EID1: variants seen among roughly 807,000 people sequenced by gnomAD.
EID1 encodes the protein EP300 interacting inhibitor of differentiation 1, also known as EP300-interacting inhibitor of differentiation 1.
A neutral mutation model predicts 13.7 loss-of-function variants in EID1; 3 were observed. The ratio of observed to expected loss-of-function variants is 0.22; its 90% CI spans 0.10 to 0.57. The LOEUF (loss-of-function observed/expected upper bound fraction) is 0.57, where lower values mean the gene tolerates loss of function less well. Ranked by LOEUF, EID1 falls within the 20% of genes least tolerant of loss-of-function variation. The pLI is 0.92. For synonymous variants in EID1, 105 were observed against 97.6 expected (o/e 1.08, Z -0.44); for missense variants, 261 against 247.6 (o/e 1.05, Z -0.36).
Position 48,878,211 on chromosome 15 carries a change from A to AT in EID1, c.35_36insT (p.Glu12AspfsTer5). On this transcript the variant is annotated frameshift_variant, in exon 1 of 1. Coordinates refer to ENST00000530028, the MANE Select transcript of EID1 (RefSeq NM_014335.3). LOFTEE classifies it high-confidence loss of function. ...ATGGCTGAGTTGTCCGAGCTGTATG[A>AT]AGAGAGCAGTGACCTGCAGATGGAT... The AT allele has an allele frequency of 6.3e-7, 1 of 1,591,948 alleles. No homozygotes were observed. The highest frequency in any genetic ancestry group is 8.6e-7 in the Non-Finnish European group (1 of 1,167,288).
Position 48,878,543 on chromosome 15 carries a change from A to C in EID1, c.367A>C (p.Arg123=), listed in dbSNP as rs758716473. 6.2e-7 allele frequency: 1 copy of C among 1,614,104 alleles called. No individual in the cohort carries two copies. The highest frequency in any genetic ancestry group is 1.7e-5 in the Admixed American group (1 of 60,032). ...EEEQLSGAGY[R]VSAALEEADK... Reference sequence around the variant, plus strand: ...GGAGCAGCTCAGTGGTGCCGGCTACAGAGTATCAGCCGCTCTTGAAGAAGC... The same window carrying C: ...GGAGCAGCTCAGTGGTGCCGGCTACCGAGTATCAGCCGCTCTTGAAGAAGC... The change falls in exon 1 of 1, where the codon AGA becomes CGA. Residue 123 remains arginine (R), a synonymous_variant. Transcript: ENST00000530028.
rs769474048 is a variant in EID1, at chr15:48,878,409, G to C, written c.233G>C (p.Gly78Ala). Residue 78 changes from glycine (G) to alanine (A), a missense_variant, in exon 1 of 1, where the codon GGG becomes GCG. Physicochemically the swap from Gly to Ala is moderately conservative, Grantham distance 60 (BLOSUM62 0). This residue lies in a region of EID1 where 244 missense variants were observed against 210.8 expected (regional missense o/e 1.16). Transcript: ENST00000530028. ...GAGGGGAAACGGAGCCTTGCTAACG[G>C]GCCCAACGCTGGGGAGCAGCCAGGC... ...APEGKRSLAN[G>A]PNAGEQPGQV... 2 of 1,611,964 alleles carry C rather than the reference G, an allele frequency of 1.2e-6. No individual in the cohort carries two copies. Among genetic ancestry groups the C allele is most frequent in the African/African-American group, 2.7e-5 (2 of 74,920 alleles).
chr15:48,879,117 C>T lies in EID1; in HGVS notation c.*377C>T, dbSNP rs1436941898. The stretch of plus-strand genomic sequence containing the variant: ...AAGACAAACTGCCAATACAAAAGCC[C>T]ACTGATACTAATTATATAATGAGAA... On this transcript the variant is annotated 3_prime_UTR_variant, in exon 1 of 1. Transcript: ENST00000530028. 1.1e-5 allele frequency: 2 copies of T among 186,990 alleles called. No homozygotes were observed. The highest frequency in any genetic ancestry group is 1.1e-4 in the Admixed American group (2 of 17,834). 11.6% of individuals were successfully genotyped at this position (186,990 alleles called of 1,614,324 possible).
rs1899883989 is a variant in EID1 at position 48,878,837 on chromosome 15, ACTT to A, written c.*98_*100del. 2 of 1,249,436 alleles carry A rather than the reference ACTT, an allele frequency of 1.6e-6. No homozygotes were observed. The highest frequency in any genetic ancestry group is 2.2e-6 in the Non-Finnish European group (2 of 912,374). 77.4% of individuals were successfully genotyped at this position (1,249,436 alleles called of 1,614,324 possible). On this transcript the variant is annotated 3_prime_UTR_variant, in exon 1 of 1. Transcript: ENST00000530028. ...CCAAATAGTTTTGTGCCATTGAAAA[ACTT>A]GACCTTCAAAAAAATTTGTTTTTCA...
chr15:48,878,235 A>T lies in EID1; in HGVS notation c.59A>T (p.Asp20Val). 6.2e-7 allele frequency: 1 copy of T among 1,609,046 alleles called. No homozygotes were observed. The highest frequency in any genetic ancestry group is 8.5e-7 in the Non-Finnish European group (1 of 1,177,104). Residue 20 changes from aspartate to valine, a missense_variant, in exon 1 of 1, where the codon GAT becomes GTT. Around this residue, in one of 2 missense-constraint regions of EID1, gnomAD observed 244 missense variants for 210.8 expected, o/e 1.16. Transcript: ENST00000530028. ...LYEESSDLQM[D>V]VMPGEGDLPQ... ...GAAGAGAGCAGTGACCTGCAGATGGATGTGATGCCTGGCGAGGGTGACCTT... is the reference window on the plus strand; with the variant it reads ...GAAGAGAGCAGTGACCTGCAGATGGTTGTGATGCCTGGCGAGGGTGACCTT...
In EID1 at chr15:48,878,579, T is replaced by C. The variant is rs1445195338; in HGVS notation, c.403T>C (p.Phe135Leu). The C allele has an allele frequency of 5.6e-6, 9 of 1,613,922 alleles. No individual in the cohort carries two copies. Among genetic ancestry groups the C allele is most frequent in the Non-Finnish European group, 7.6e-6 (9 of 1,179,900 alleles). The part of the protein sequence containing the change: ...SAALEEADKM[F>L]LRTREPALDG... ...CGCTCTTGAAGAAGCCGACAAGATG[T>C]TTCTGAGAACAAGAGAACCAGCCCT... is the stretch of plus-strand genomic sequence containing the variant. Residue 135 changes from phenylalanine to leucine, a missense_variant, in exon 1 of 1, where the codon TTT becomes CTT. Phe to Leu is a conservative substitution (Grantham distance 22). Coordinates refer to ENST00000530028, the MANE Select transcript of EID1 (RefSeq NM_014335.3).
rs1484353267 is a variant in EID1 at position 48,879,398 on chromosome 15, TC to T, written c.*659del. 3 of 167,096 alleles carry T rather than the reference TC, an allele frequency of 1.8e-5. No homozygotes were observed. Among genetic ancestry groups the T allele is most frequent in the African/African-American group, 7.2e-5 (3 of 41,470 alleles). 10.4% of individuals were successfully genotyped at this position (167,096 alleles called of 1,614,324 possible). On this transcript the variant is annotated 3_prime_UTR_variant, in exon 1 of 1. Coordinates refer to ENST00000530028, the MANE Select transcript of EID1 (RefSeq NM_014335.3). The stretch of plus-strand genomic sequence containing the variant: ...TTATAAAGCCACTGTGATCTATAAA[TC>T]AAGAAAATCCATTGTCATAACCATT...
In EID1 at chr15:48,878,480, T is replaced by C; in HGVS notation, c.304T>C (p.Phe102Leu). ...CGAGAGCGAGGACGAGGGCGAGGAA[T>C]TTGATGACTGGGAGGACGACTACGA... ...DFESEDEGEE[F>L]DDWEDDYDYP... The change falls in exon 1 of 1, where the codon TTT (phenylalanine) becomes CTT (leucine). Residue 102 changes from phenylalanine (F) to leucine (L), a missense_variant. By Grantham distance (22) the Phe-to-Leu change is conservative. Transcript: ENST00000530028. 6.2e-7 allele frequency: 1 copy of C among 1,613,880 alleles called. No homozygotes were observed. The highest frequency in any genetic ancestry group is 8.5e-7 in the Non-Finnish European group (1 of 1,179,826).
chr15:48,878,895 C>A lies in EID1; in HGVS notation c.*155C>A. 1.7e-6 allele frequency: 1 copy of A among 581,874 alleles called. No homozygotes were observed. The highest frequency in any genetic ancestry group is 3.0e-6 in the Non-Finnish European group (1 of 331,466). The allele number at this position is 581,874 out of a possible 1,614,324, so 36.0% of individuals were successfully genotyped here. ...AGAACACAATAGGACAGTGACTGCACAGTTGTGAAAAAGGAAGAGAATCAT... is the reference window on the plus strand; with the variant it reads ...AGAACACAATAGGACAGTGACTGCAAAGTTGTGAAAAAGGAAGAGAATCAT... On this transcript the variant is annotated 3_prime_UTR_variant, in exon 1 of 1. Transcript: ENST00000530028.
Position 48,878,501 on chromosome 15 carries a change from T to G in EID1, c.325T>G (p.Tyr109Asp), listed in dbSNP as rs1015274737. 6.2e-7 allele frequency: 1 copy of G among 1,614,030 alleles called. No individual in the cohort carries two copies. The highest frequency in any genetic ancestry group is 1.1e-5 in the South Asian group (1 of 91,086). ...GGAATTTGATGACTGGGAGGACGACTACGACTATCCCGAAGAGGAGCAGCT... is the reference window on the plus strand; with the variant it reads ...GGAATTTGATGACTGGGAGGACGACGACGACTATCCCGAAGAGGAGCAGCT... Reference protein sequence around the residue: ...GEEFDDWEDDYDYPEEEQLSG... With the variant: ...GEEFDDWEDDDDYPEEEQLSG... Residue 109 changes from tyrosine to aspartate, a missense_variant, in exon 1 of 1, where the codon TAC (tyrosine) becomes GAC (aspartate). Tyr to Asp is a radical substitution (Grantham distance 160). Around this residue, in one of 2 missense-constraint regions of EID1, gnomAD observed 244 missense variants for 210.8 expected, o/e 1.16. Coordinates refer to ENST00000530028, the MANE Select transcript of EID1 (RefSeq NM_014335.3).
At position 48,879,383 on chromosome 15, in the gene EID1, A is replaced by T. The variant is rs2140999699; in HGVS notation, c.*643A>T. The stretch of plus-strand genomic sequence containing the variant: ...ATGTATCTTGATCATTTATAAAGCC[A>T]CTGTGATCTATAAATCAAGAAAATC... On this transcript the variant is annotated 3_prime_UTR_variant, in exon 1 of 1. Coordinates refer to ENST00000530028, the MANE Select transcript of EID1 (RefSeq NM_014335.3). The T allele has an allele frequency of 6.0e-6, 1 of 167,238 alleles. No homozygotes were observed. The highest frequency in any genetic ancestry group is 3.4e-3 in the Middle Eastern group (1 of 296). 10.4% of individuals were successfully genotyped at this position (167,238 alleles called of 1,614,324 possible).
rs1899864958 is a variant in EID1 at position 48,878,363 on chromosome 15, G to A, written c.187G>A (p.Ala63Thr). The change falls in exon 1 of 1, where the codon GCC becomes ACC. Residue 63 changes from alanine to threonine, a missense_variant. Transcript: ENST00000530028. ...EEEGPMEEEE[A>T]QPMAAPEGKR... is the part of the protein sequence containing the mutation. ...GGAAGGCCCAATGGAGGAGGAGGAG[G>A]CCCAGCCAATGGCGGCGCCAGAGGG... The A allele has an allele frequency of 3.1e-6, 5 of 1,613,100 alleles. No homozygotes were observed. The highest frequency in any genetic ancestry group is 4.2e-6 in the Non-Finnish European group (5 of 1,179,504).
rs377583239 is a variant in EID1 at position 48,878,335 on chromosome 15, G to A, written c.159G>A (p.Glu53=). Residue 53 remains glutamate, a synonymous_variant, in exon 1 of 1, where the codon GAG becomes GAA. Transcript: ENST00000530028. The part of the protein sequence containing the change: ...RPSRSGAQQL[E]EEGPMEEEEA... ...CCCGCAGCGGGGCCCAACAGCTCGAGGAGGAAGGCCCAATGGAGGAGGAGG... is the reference window on the plus strand; with the variant it reads ...CCCGCAGCGGGGCCCAACAGCTCGAAGAGGAAGGCCCAATGGAGGAGGAGG... The A allele has an allele frequency of 3.7e-6, 6 of 1,613,524 alleles. No homozygotes were observed. The highest frequency in any genetic ancestry group is 5.1e-6 in the Non-Finnish European group (6 of 1,179,648).
chr15:48,878,536 C>G lies in EID1; in HGVS notation c.360C>G (p.Ala120=), dbSNP rs765412776. 8 of 1,613,928 alleles carry G rather than the reference C, an allele frequency of 5.0e-6. No homozygotes were observed. Among genetic ancestry groups the G allele is most frequent in the Non-Finnish European group, 5.9e-6 (7 of 1,179,912 alleles). The stretch of plus-strand genomic sequence containing the variant: ...CCGAAGAGGAGCAGCTCAGTGGTGC[C>G]GGCTACAGAGTATCAGCCGCTCTTG... ...DYPEEEQLSG[A]GYRVSAALEE... is the part of the protein sequence containing the mutation. Residue 120 remains alanine, a synonymous_variant, in exon 1 of 1, where the codon GCC becomes GCG. Coordinates refer to ENST00000530028, the MANE Select transcript of EID1 (RefSeq NM_014335.3).
Position 48,878,386 on chromosome 15 carries a change from G to A in EID1, c.210G>A (p.Glu70=), listed in dbSNP as rs1567059622. Reference sequence around the variant, plus strand: ...AGGCCCAGCCAATGGCGGCGCCAGAGGGGAAACGGAGCCTTGCTAACGGGC... The same window carrying A: ...AGGCCCAGCCAATGGCGGCGCCAGAAGGGAAACGGAGCCTTGCTAACGGGC... ...EEEAQPMAAP[E]GKRSLANGPN... is the part of the protein sequence containing the mutation. The change falls in exon 1 of 1, where the codon GAG becomes GAA. Residue 70 remains glutamate, a synonymous_variant. Coordinates refer to ENST00000530028, the MANE Select transcript of EID1 (RefSeq NM_014335.3). 6.2e-7 allele frequency: 1 copy of A among 1,612,542 alleles called. No individual in the cohort carries two copies. Among genetic ancestry groups the A allele is most frequent in the Non-Finnish European group, 8.5e-7 (1 of 1,179,176 alleles).
Position 48,878,222 on chromosome 15 carries a change from G to A in EID1, c.46G>A (p.Asp16Asn). 1 of 1,602,946 alleles carries A rather than the reference G, an allele frequency of 6.2e-7. No homozygotes were observed. The highest frequency in any genetic ancestry group is 8.5e-7 in the Non-Finnish European group (1 of 1,173,624). ...GTCCGAGCTGTATGAAGAGAGCAGTGACCTGCAGATGGATGTGATGCCTGG... is the reference window on the plus strand; with the variant it reads ...GTCCGAGCTGTATGAAGAGAGCAGTAACCTGCAGATGGATGTGATGCCTGG... ...ELSELYEESS[D>N]LQMDVMPGEG... Residue 16 changes from aspartate (D) to asparagine (N), a missense_variant, in exon 1 of 1, where the codon GAC (aspartate) becomes AAC (asparagine). Physicochemically the swap from Asp to Asn is conservative, Grantham distance 23. Around this residue, in one of 2 missense-constraint regions of EID1, gnomAD observed 244 missense variants for 210.8 expected, o/e 1.16. Coordinates refer to ENST00000530028, the MANE Select transcript of EID1 (RefSeq NM_014335.3).
At position 48,880,145 on chromosome 15, in the gene EID1, T is replaced by C. The variant is rs1472914808; in HGVS notation, c.*1405T>C. On this transcript the variant is annotated 3_prime_UTR_variant, in exon 1 of 1. Transcript: ENST00000530028. ...TGTTCCAAATGCTTCTGCTCCATTA[T>C]AGCAGTAAAGAACGAATATCCAATG... is the stretch of plus-strand genomic sequence containing the variant. The C allele has an allele frequency of 6.0e-6, 1 of 167,262 alleles. No homozygotes were observed. The highest frequency in any genetic ancestry group is 1.9e-4 in the East Asian group (1 of 5,196). 10.4% of individuals were successfully genotyped at this position (167,262 alleles called of 1,614,324 possible).
At position 48,878,631 on chromosome 15, in the gene EID1, A is replaced by C. The variant is rs558068343; in HGVS notation, c.455A>C (p.Glu152Ala). 8.1e-6 allele frequency: 13 copies of C among 1,613,958 alleles called. No individual in the cohort carries two copies. In the South Asian group the frequency reaches 1.2e-4, roughly 15 times the overall value. Residue 152 changes from glutamate to alanine, a missense_variant, in exon 1 of 1, where the codon GAG becomes GCG. Coordinates refer to ENST00000530028, the MANE Select transcript of EID1 (RefSeq NM_014335.3). ...GATGGCGGGTTTCAGATGCATTATG[A>C]GAAGACCCCGTTTGATCAGTTAGCT... The part of the protein sequence containing the change: ...ALDGGFQMHY[E>A]KTPFDQLAFI...
Position 48,878,348 on chromosome 15 carries a change from A to G in EID1, c.172A>G (p.Met58Val), listed in dbSNP as rs1390981014. ...CCAACAGCTCGAGGAGGAAGGCCCA[A>G]TGGAGGAGGAGGAGGCCCAGCCAAT... is the stretch of plus-strand genomic sequence containing the variant. ...GAQQLEEEGP[M>V]EEEEAQPMAA... Residue 58 changes from methionine (M) to valine (V), a missense_variant, in exon 1 of 1, where the codon ATG (methionine) becomes GTG (valine). Physicochemically the swap from Met to Val is conservative, Grantham distance 21. Coordinates refer to ENST00000530028, the MANE Select transcript of EID1 (RefSeq NM_014335.3). 8 of 1,613,584 alleles carry G rather than the reference A, an allele frequency of 5.0e-6. No individual in the cohort carries two copies. The Admixed American group carries it at 5.0e-5, about 10-fold the overall frequency.
Sources: gnomAD v4.1 joint callset for allele counts on GRCh38, gnomAD v4.1.1 for gene constraint, gnomAD v4.1.1 regional missense constraint, MANE v1.5 for transcripts, NCBI Gene and HGNC (gene_info 2026-07-23, HGNC 2026-07-21) for gene names.